The following TLE4 variants were observed in gnomAD, a reference collection of about 807,000 sequenced individuals.
TLE4 encodes TLE family member 4, transcriptional corepressor.
Under a neutral mutation model 92.8 loss-of-function variants are expected in TLE4, and 8 were observed. That is an observed-to-expected ratio of 0.09 (90% CI 0.05 to 0.16). The LOEUF (loss-of-function observed/expected upper bound fraction) is 0.16. Among genes scored for constraint, TLE4 ranks in the 10% least tolerant of loss-of-function variants. The pLI is 1.00. For synonymous variants in TLE4, 371 were observed against 374.1 expected (o/e 0.99, Z 0.10); for missense variants, 675 against 997.6 (o/e 0.68, Z 4.36).
At chr9:79,622,913 T>C (rs2051399204) in intron 5 of TLE4, among the ~76,000 whole-genome samples, 1 of 152,192 alleles carries the variant, frequency 6.6e-6, no homozygotes, top group Admixed American at 6.5e-5. Context: ...CTTTCACCTC[T>C]CCACATGTTG....
At position 79,721,879 on chromosome 9, in the gene TLE4, C is replaced by T. The variant is rs551711530; in HGVS notation, c.1977C>T (p.Phe659=). 94 of 1,613,294 alleles carry T rather than the reference C, an allele frequency of 5.8e-5. No individual in the cohort carries two copies. The South Asian group carries it at 8.8e-4, about 15-fold the overall frequency. ...REGRQLQQHD[F]TSQIFSLGYC... ...GGCGGCAGCTGCAGCAGCACGACTTCACCTCCCAGGTATGATCCGTGGCTG... is the reference window on the plus strand; with the variant it reads ...GGCGGCAGCTGCAGCAGCACGACTTTACCTCCCAGGTATGATCCGTGGCTG... The change falls in exon 17 of 20, where the codon TTC becomes TTT. Residue 659 remains phenylalanine (F), a synonymous_variant. Coordinates refer to ENST00000376552, the MANE Select transcript of TLE4 (RefSeq NM_007005.6).
chr9:79,580,732 A>G (rs913571654), intron 4 of TLE4, among the ~76,000 whole-genome samples: 1 of 151,096 alleles, frequency 6.6e-6, no homozygotes, highest in African/African-American at 2.4e-5. Context: ...TTTTTCAGAG[A>G]TAGGTATAAT....
At chr9:79,643,323 G>A (rs547476580) in intron 6 of TLE4, among the ~76,000 whole-genome samples, 5 of 152,256 alleles carry the variant, frequency 3.3e-5, no homozygotes, top group African/African-American at 1.2e-4. Flanking sequence ...TAATATTTCA[G>A]TGTGCTTCTT....
rs138198400 is a variant in TLE4 at position 79,720,132 on chromosome 9, T to G, written c.1677T>G (p.Ile559Met). 6.2e-7 allele frequency: 1 copy of G among 1,614,164 alleles called. No homozygotes were observed. The highest frequency in any genetic ancestry group is 8.5e-7 in the Non-Finnish European group (1 of 1,180,026). The change falls in exon 16 of 20, where the codon ATT becomes ATG. Residue 559 changes from isoleucine to methionine, a missense_variant. Ile to Met is a conservative substitution (Grantham distance 10). This residue lies in a region of TLE4 where 170 missense variants were observed against 359.6 expected (regional missense o/e 0.47). Transcript: ENST00000376552. ...GAGGGGAAGCCAGTACTTTGTCCAT[T>G]TGGGACCTGGCGGCTCCAACCCCAC... Reference protein sequence around the residue: ...IVGGEASTLSIWDLAAPTPRI... With the variant: ...IVGGEASTLSMWDLAAPTPRI...
chr9:79,597,881 C>T (rs1207520413), intron 4 of TLE4, among the ~76,000 whole-genome samples: 2 of 152,004 alleles, frequency 1.3e-5, no homozygotes, highest in Admixed American at 1.3e-4. Flanking sequence ...AAATATCTGG[C>T]ACAGAGCAAG....
Position 79,624,536 on chromosome 9 carries a change from C to T in TLE4, c.316-2838C>T, listed in dbSNP as rs539311950. Among the ~76,000 whole-genome samples the T allele has an allele frequency of 2.0e-5, 3 of 152,344 alleles. No homozygotes were observed. In the South Asian group the frequency reaches 6.2e-4, roughly 32 times the overall value. ...CAGGTAAAGTTCAGATATCAGCCCACAGCCATTGCCATCAAAAAGAAGAAG... is the reference window on the plus strand; with the variant it reads ...CAGGTAAAGTTCAGATATCAGCCCATAGCCATTGCCATCAAAAAGAAGAAG... On this transcript the variant is annotated intron_variant, in intron 5 of 19. Coordinates refer to ENST00000376552, the MANE Select transcript of TLE4 (RefSeq NM_007005.6).
chr9:79,593,213 A>C lies in TLE4; in HGVS notation c.252+17036A>C, dbSNP rs369812026. ...AGCCACAGATCCATTCCAAAAAAAA[A>C]CGAAAACCGAAATGTGGTTTTGCTG... On this transcript the variant is annotated intron_variant, in intron 4 of 19. Transcript: ENST00000376552. 4.3e-4 allele frequency among the ~76,000 whole-genome samples: 65 copies of C among 152,304 alleles called. No homozygotes were observed. The East Asian group carries it at 0.01, about 24-fold the overall frequency.
intron 4 of TLE4, among the ~76,000 whole-genome samples, chr9:79,589,122 G>T (rs1054651974): frequency 6.6e-6 from 1 of 152,172 alleles, no homozygotes; most frequent in African/African-American, 2.4e-5. Flanking sequence ...AATTTCAGTA[G>T]TGCCAACACT....
intron 4 of TLE4, among the ~76,000 whole-genome samples, chr9:79,609,632 A>C (rs1473962153): frequency 6.6e-6 from 1 of 152,078 alleles, no homozygotes; most frequent in East Asian, 1.9e-4. Flanking sequence ...TTACATTTTG[A>C]CATGAACAAT....
intron 6 of TLE4, among the ~76,000 whole-genome samples, chr9:79,640,460 T>C (rs976055303): frequency 6.6e-6 from 1 of 152,012 alleles, no homozygotes; most frequent in Non-Finnish European, 1.5e-5. Flanking sequence ...ATTTAACATA[T>C]AAGTTTCTAA....
chr9:79,597,759 A>G (rs933221474), intron 4 of TLE4, among the ~76,000 whole-genome samples: 1 of 152,130 alleles, frequency 6.6e-6, no homozygotes, highest in African/African-American at 2.4e-5. Context: ...GCATTTGTTT[A>G]CTTTTCTCCA....
chr9:79,667,569 T>C (rs959659565), intron 8 of TLE4, among the ~76,000 whole-genome samples: 5 of 152,130 alleles, frequency 3.3e-5, no homozygotes, highest in Non-Finnish European at 7.4e-5. Context: ...TTTGACACTG[T>C]GTTTTATAGT....
chr9:79,705,781 G>T, intron 9 of TLE4, 108 bp from the exon 10 acceptor site: 1 of 1,085,308 alleles, frequency 9.2e-7, no homozygotes, highest in Non-Finnish European at 1.4e-6. Flanking sequence ...AACACTGTTT[G>T]GTACAGCTCA....
At chr9:79,603,921 C>A (rs2046249463) in intron 4 of TLE4, among the ~76,000 whole-genome samples, 1 of 152,120 alleles carries the variant, frequency 6.6e-6, no homozygotes, top group African/African-American at 2.4e-5. Context: ...TTCAGCATCA[C>A]CTTAAAATTT....
chr9:79,606,770 C>T (rs1203033266), intron 4 of TLE4, among the ~76,000 whole-genome samples: 3 of 152,302 alleles, frequency 2.0e-5, no homozygotes, highest in East Asian at 1.9e-4. Context: ...TTAATCCAGT[C>T]TATCATTGAT....
At chr9:79,618,268 C>G (rs2050125671) in intron 5 of TLE4, among the ~76,000 whole-genome samples, 1 of 152,218 alleles carries the variant, frequency 6.6e-6, no homozygotes, top group Non-Finnish European at 1.5e-5. Flanking sequence ...ATAACAAACT[C>G]TAGCTTTGAC....
At chr9:79,693,160 A>T (rs546429114) in intron 8 of TLE4, among the ~76,000 whole-genome samples, 1 of 152,202 alleles carries the variant, frequency 6.6e-6, no homozygotes, top group East Asian at 1.9e-4. Context: ...TAGCTATTCA[A>T]CTTATGTCAC....
At chr9:79,623,059 A>C (rs2051444608) in intron 5 of TLE4, among the ~76,000 whole-genome samples, 1 of 152,088 alleles carries the variant, frequency 6.6e-6, no homozygotes, top group Middle Eastern at 3.2e-3. Context: ...TTAAAATTTT[A>C]ATTTATAAAA....
At chr9:79,602,646 A>G (rs2045912323) in intron 4 of TLE4, among the ~76,000 whole-genome samples, 1 of 152,322 alleles carries the variant, frequency 6.6e-6, no homozygotes, top group African/African-American at 2.4e-5. Context: ...ATTACTGCCT[A>G]TTAATGGTGT....
Sources: allele counts gnomAD v4.1 joint callset (sites outside exome capture counted in the v4.1 genomes callset), GRCh38; gene constraint gnomAD v4.1.1; regional missense constraint gnomAD v4.1.1; transcripts MANE v1.5; gene names NCBI Gene and HGNC (gene_info 2026-07-23, HGNC 2026-07-21).